GSDMC: variants seen among roughly 807,000 people sequenced by gnomAD.
GSDMC encodes gasdermin C.
In GSDMC, 59 loss-of-function variants were observed where a neutral mutation model predicts 58.0. The observed-to-expected ratio is 1.02, with a 90% CI of 0.82 to 1.26. The LOEUF is 1.26. GSDMC is among the 50% of genes most tolerant of loss of function. The probability of loss-of-function intolerance (pLI) is 0.00; values close to 1 mark genes in which losing one functional copy is unlikely to be tolerated. For synonymous variants in GSDMC, 241 were observed against 220.2 expected, an observed-to-expected ratio of 1.09 and a Z score of -0.83; for missense variants, 659 against 598.5, an observed-to-expected ratio of 1.10 and a Z score of -1.06.
intron 7 of GSDMC, among the ~76,000 whole-genome samples, 176 bp downstream of exon 7, chr8:129,752,520 AGG>A (rs1056986948): frequency 6.6e-6 from 1 of 152,222 alleles, no homozygotes; most frequent in African/African-American, 2.4e-5. Flanking sequence ...AAAGGGGGTC[AGG>A]GATCAGCAGT....
At chr8:129,726,990 C>A in the GSDMC span, among the ~76,000 whole-genome samples, 1 of 75,560 alleles carries the variant, frequency 1.3e-5, no homozygotes, top group Admixed American at 1.5e-4. Context: ...CAACCACACC[C>A]AATACACATA....
the GSDMC span, among the ~76,000 whole-genome samples, chr8:129,740,285 G>C: frequency 6.6e-6 from 1 of 152,124 alleles, no homozygotes; most frequent in African/African-American, 2.4e-5. Context: ...TAAGTGTATA[G>C]TATTTATAAA....
chr8:129,735,883 G>A, the GSDMC span, among the ~76,000 whole-genome samples: 1 of 151,964 alleles, frequency 6.6e-6, no homozygotes, highest in Non-Finnish European at 1.5e-5. Context: ...TTTTTGAAAA[G>A]GTCAACAAAA....
At chr8:129,713,017 G>A in the GSDMC span, among the ~76,000 whole-genome samples, 1 of 152,218 alleles carries the variant, frequency 6.6e-6, no homozygotes, top group East Asian at 1.9e-4. Context: ...TAAACGGTTG[G>A]ATCAGTGATC....
chr8:129,715,868 T>C, the GSDMC span, among the ~76,000 whole-genome samples: 5 of 152,316 alleles, frequency 3.3e-5, no homozygotes, highest in Middle Eastern at 0.014. Flanking sequence ...GGTTTTATAA[T>C]ACATGTACAA....
intron 2 of GSDMC, among the ~76,000 whole-genome samples, chr8:129,777,033 G>T (rs896196900): frequency 1.3e-5 from 2 of 151,978 alleles, no homozygotes; most frequent in Admixed American, 6.5e-5. Flanking sequence ...GTCTCCCAAA[G>T]CACTGGGATT....
the GSDMC span, among the ~76,000 whole-genome samples, chr8:129,727,196 C>T: frequency 6.6e-6 from 1 of 152,126 alleles, no homozygotes; most frequent in Non-Finnish European, 1.5e-5. Context: ...AAATCCATGA[C>T]TTACGATGGA....
intron 9 of GSDMC, 35 bp downstream of exon 9, chr8:129,751,827 A>AGG: frequency 6.3e-7 from 1 of 1,587,276 alleles, no homozygotes; most frequent in Non-Finnish European, 8.7e-7. Flanking sequence ...GCAGGATGGG[A>AGG]TCCCCACCCC....
the GSDMC span, among the ~76,000 whole-genome samples, chr8:129,716,766 C>G: frequency 1.3e-5 from 2 of 152,048 alleles, no homozygotes; most frequent in African/African-American, 2.4e-5. Context: ...CCATAAATAG[C>G]TCTTATTATT....
At chr8:129,776,384 G>A in intron 2 of GSDMC, 99 bp from the exon 3 acceptor site, 2 of 886,428 alleles carry the variant, frequency 2.3e-6, no homozygotes, top group Non-Finnish European at 3.3e-6. Context: ...AAATAACAAA[G>A]ACCTATTTTG....
the GSDMC span, among the ~76,000 whole-genome samples, chr8:129,740,580 G>A: frequency 6.6e-6 from 1 of 152,038 alleles, no homozygotes; most frequent in Admixed American, 6.6e-5. Context: ...TGAGCAATAG[G>A]CCATACCATA....
intron 1 of GSDMC, among the ~76,000 whole-genome samples, chr8:129,785,079 C>T (rs184220406): frequency 6.6e-5 from 10 of 152,142 alleles, no homozygotes; most frequent in Admixed American, 2.0e-4. Flanking sequence ...GGCATGGTAG[C>T]GCATGACTGT....
the GSDMC span, among the ~76,000 whole-genome samples, chr8:129,726,726 A>G: frequency 0.39 from 58,239 of 151,182 alleles, 15,608 homozygotes; most frequent in African/African-American, 0.73. Flanking sequence ...CCTGGATGTC[A>G]TACTTACCTC....
chr8:129,717,900 C>G, the GSDMC span, among the ~76,000 whole-genome samples: 1 of 152,060 alleles, frequency 6.6e-6, no homozygotes, highest in Non-Finnish European at 1.5e-5. Flanking sequence ...ATTGACAAAC[C>G]TGACAAAAAC....
chr8:129,747,753 G>A (rs4733738), downstream of GSDMC, among the ~76,000 whole-genome samples: 48,411 of 151,906 alleles, frequency 0.32, 11,034 homozygotes, highest in African/African-American at 0.63. Flanking sequence ...CAGCTGTCCA[G>A]GTGAGAAGAG....
chr8:129,752,694 G>A lies in GSDMC; in HGVS notation c.844+4C>T, dbSNP rs1385770781. On this transcript the variant is annotated splice_donor_region_variant and intron_variant, in intron 7 of 13. Transcript: ENST00000276708. ...AGTAAAAATAAAGTGAGCAATCACA[G>A]TACCTGGTTTTAACTTCATATCATT... The A allele has an allele frequency of 1.9e-6, 3 of 1,614,142 alleles. No homozygotes were observed. Among genetic ancestry groups the A allele is most frequent in the Non-Finnish European group, 2.5e-6 (3 of 1,179,992 alleles).
chr8:129,713,902 C>T, the GSDMC span, among the ~76,000 whole-genome samples: 10 of 152,210 alleles, frequency 6.6e-5, no homozygotes, highest in African/African-American at 2.2e-4. Flanking sequence ...CACACAGAGC[C>T]CACTGATATA....
At chr8:129,741,533 T>G in the GSDMC span, among the ~76,000 whole-genome samples, 1 of 152,122 alleles carries the variant, frequency 6.6e-6, no homozygotes, top group Non-Finnish European at 1.5e-5. Flanking sequence ...TGCTCAATCA[T>G]CAGGGAAATA....
At chr8:129,713,750 G>C in the GSDMC span, among the ~76,000 whole-genome samples, 1 of 152,118 alleles carries the variant, frequency 6.6e-6, no homozygotes, top group Non-Finnish European at 1.5e-5. Flanking sequence ...CCCAATAAAA[G>C]AGTGACACTG....
Sources: allele counts gnomAD v4.1 joint callset (sites outside exome capture counted in the v4.1 genomes callset), GRCh38; gene constraint gnomAD v4.1.1; transcripts MANE v1.5; gene names NCBI Gene and HGNC (gene_info 2026-07-23, HGNC 2026-07-21).